Variants in COMMD10 observed in about 807,000 individuals in gnomAD.
The protein encoded by COMMD10 is COMM domain-containing protein 10.
A neutral mutation model predicts 28.9 loss-of-function variants in COMMD10; 33 were observed. The ratio of observed to expected loss-of-function variants is 1.14; its 90% CI spans 0.87 to 1.53. The LOEUF (loss-of-function observed/expected upper bound fraction) is 1.53, where lower values mean the gene tolerates loss of function less well. Among genes scored for constraint, COMMD10 ranks in the 40% most tolerant of loss-of-function variants. The pLI, the probability that COMMD10 is intolerant of heterozygous loss-of-function variation, is 0.00. For missense variants in COMMD10, 310 were observed against 233.4 expected (o/e 1.33, Z -2.14); for synonymous variants, 110 against 81.7 (o/e 1.35, Z -1.87).
chr5:116,103,612 C>T (rs1345546314), intron 4 of COMMD10, among the ~76,000 whole-genome samples: 1 of 152,110 alleles, frequency 6.6e-6, no homozygotes, highest in Admixed American at 6.6e-5. Flanking sequence ...CTGTAGGTTG[C>T]CTATTCACTC....
intron 4 of COMMD10, among the ~76,000 whole-genome samples, chr5:116,107,833 C>A (rs186353013): frequency 6.6e-6 from 1 of 152,178 alleles, no homozygotes; most frequent in East Asian, 1.9e-4. Flanking sequence ...TACCTTTGTT[C>A]TTTGATGTTG....
chr5:116,262,378 C>G (rs1235857327), intron 5 of COMMD10, among the ~76,000 whole-genome samples: 1 of 151,626 alleles, frequency 6.6e-6, no homozygotes, highest in Non-Finnish European at 1.5e-5. Flanking sequence ...AGAGAGCAGT[C>G]ATTAATGGCT....
intron 5 of COMMD10, among the ~76,000 whole-genome samples, chr5:116,232,581 A>C (rs1749556527): frequency 1.3e-5 from 2 of 152,036 alleles, no homozygotes; most frequent in Non-Finnish European, 2.9e-5. Flanking sequence ...GGTGCCTGTA[A>C]TCCCAGCTAC....
At position 116,220,253 on chromosome 5, in the gene COMMD10, T is replaced by C. The variant is rs148300904; in HGVS notation, c.511-71264T>C. 2.6e-3 allele frequency among the ~76,000 whole-genome samples: 392 copies of C among 152,304 alleles called. 1 individual carries two copies. Among genetic ancestry groups the C allele is most frequent in the Non-Finnish European group, 4.4e-3 (300 of 68,026 alleles). ...AAGTCTCAGATAACAATCTAGGTAC[T>C]GAGTTTCTCAAACACATTCTGTCTC... On this transcript the variant is annotated intron_variant, in intron 5 of 6. Transcript: ENST00000274458.
chr5:116,215,218 G>T (rs1368970922), intron 5 of COMMD10, among the ~76,000 whole-genome samples: 1 of 151,872 alleles, frequency 6.6e-6, no homozygotes, highest in Non-Finnish European at 1.5e-5. Context: ...AAATTTGGGT[G>T]TTATGGAATA....
At chr5:116,128,585 G>T (rs1055270523) in intron 4 of COMMD10, among the ~76,000 whole-genome samples, 2 of 151,828 alleles carry the variant, frequency 1.3e-5, no homozygotes, top group Non-Finnish European at 2.9e-5. Context: ...CTAAAATATT[G>T]GTGATTGTCT....
intron 5 of COMMD10, among the ~76,000 whole-genome samples, chr5:116,183,117 C>G (rs1467712300): frequency 6.6e-6 from 1 of 152,030 alleles, no homozygotes; most frequent in Non-Finnish European, 1.5e-5. Flanking sequence ...TGAGAACAGA[C>G]TAATATAATG....
At chr5:116,173,051 CTT>C (rs1753388766) in intron 5 of COMMD10, among the ~76,000 whole-genome samples, 1 of 151,900 alleles carries the variant, frequency 6.6e-6, no homozygotes, top group African/African-American at 2.4e-5. Flanking sequence ...ACATATAACC[CTT>C]TTTTCTGTTT....
chr5:116,098,705 A>G (rs951456277), intron 4 of COMMD10, among the ~76,000 whole-genome samples: 1 of 152,194 alleles, frequency 6.6e-6, no homozygotes, highest in Non-Finnish European at 1.5e-5. Flanking sequence ...CCCTCGCTAG[A>G]TACTGAGGAA....
At chr5:116,240,811 A>T (rs1242390592) in intron 5 of COMMD10, among the ~76,000 whole-genome samples, 1 of 152,190 alleles carries the variant, frequency 6.6e-6, no homozygotes, top group African/African-American at 2.4e-5. Context: ...GGTGATTTCG[A>T]ACTTGTAGCT....
At chr5:116,168,016 C>T (rs1258043401) in intron 5 of COMMD10, among the ~76,000 whole-genome samples, 2 of 151,140 alleles carry the variant, frequency 1.3e-5, no homozygotes, top group Non-Finnish European at 1.5e-5. Flanking sequence ...ACTAAATGCC[C>T]CAATTAAAAG....
intron 4 of COMMD10, among the ~76,000 whole-genome samples, chr5:116,094,662 A>C (rs1181926274): frequency 2.0e-5 from 3 of 152,190 alleles, no homozygotes; most frequent in Non-Finnish European, 4.4e-5. Flanking sequence ...CAGTAATTCC[A>C]CTACTTGGTA....
chr5:116,244,046 T>C (rs1338222940), intron 5 of COMMD10, among the ~76,000 whole-genome samples: 4 of 152,070 alleles, frequency 2.6e-5, no homozygotes, highest in Non-Finnish European at 1.5e-5. Context: ...CACACACATA[T>C]TATATATCTA....
chr5:116,253,770 T>C (rs1040646870), intron 5 of COMMD10, among the ~76,000 whole-genome samples: 2 of 147,922 alleles, frequency 1.4e-5, no homozygotes, highest in Non-Finnish European at 3.0e-5. Context: ...TTTTTGGTTG[T>C]GTCTTTGCCC....
At chr5:116,103,894 A>G (rs1056151442) in intron 4 of COMMD10, among the ~76,000 whole-genome samples, 1 of 152,126 alleles carries the variant, frequency 6.6e-6, no homozygotes, top group African/African-American at 2.4e-5. Flanking sequence ...AGCACCATTT[A>G]TTACATAGGG....
At chr5:116,175,147 C>T (rs1428252542) in intron 5 of COMMD10, among the ~76,000 whole-genome samples, 3 of 152,028 alleles carry the variant, frequency 2.0e-5, no homozygotes, top group Admixed American at 1.3e-4. Flanking sequence ...TACTTTCTAT[C>T]TCCTTACCTT....
intron 5 of COMMD10, among the ~76,000 whole-genome samples, chr5:116,287,489 G>A (rs254171): frequency 0.47 from 70,768 of 151,338 alleles, 18,562 homozygotes; most frequent in African/African-American, 0.71. Context: ...TATGTCTCTT[G>A]TAAACAGGGT....
intron 4 of COMMD10, among the ~76,000 whole-genome samples, chr5:116,116,537 C>G (rs1016479381): frequency 6.6e-6 from 1 of 152,142 alleles, no homozygotes; most frequent in African/African-American, 2.4e-5. Flanking sequence ...TATTCACATG[C>G]AATTCAAATT....
chr5:116,156,145 G>A (rs779551594), intron 5 of COMMD10, among the ~76,000 whole-genome samples: 10 of 152,062 alleles, frequency 6.6e-5, no homozygotes, highest in Non-Finnish European at 1.3e-4. Flanking sequence ...GGGTTAAGCT[G>A]TCCTACTATC....
Sources: allele counts gnomAD v4.1 joint callset (sites outside exome capture counted in the v4.1 genomes callset), GRCh38; gene constraint gnomAD v4.1.1; transcripts MANE v1.5; gene names NCBI Gene and HGNC (gene_info 2026-07-23, HGNC 2026-07-21).